THSD7A: variants seen among roughly 807,000 people sequenced by gnomAD.
THSD7A encodes thrombospondin type 1 domain containing 7A.
In THSD7A, 96 loss-of-function variants were observed where a neutral mutation model predicts 231.3. The ratio of observed to expected loss-of-function variants is 0.41; its 90% confidence interval spans 0.35 to 0.49. The LOEUF (loss-of-function observed/expected upper bound fraction) is 0.49, where lower values mean the gene tolerates loss of function less well. Among genes scored for constraint, THSD7A ranks in the 20% least tolerant of loss-of-function variants. The probability of loss-of-function intolerance (pLI) is 0.05; values close to 1 mark genes in which losing one functional copy is unlikely to be tolerated. For missense variants in THSD7A, 2,290 were observed against 2,070.2 expected, an observed-to-expected ratio of 1.11 and a Z score of -2.06; for synonymous variants, 940 against 743.3, an observed-to-expected ratio of 1.26 and a Z score of -4.30.
chr7:11,749,527 A>T (rs893347111), intron 1 of THSD7A, among the ~76,000 whole-genome samples: 2 of 152,014 alleles, frequency 1.3e-5, no homozygotes, highest in East Asian at 1.9e-4. Context: ...TGACTCAGAC[A>T]ACCAAGTATT....
intron 1 of THSD7A, among the ~76,000 whole-genome samples, chr7:11,768,012 T>C (rs1252127004): frequency 1.3e-5 from 2 of 152,194 alleles, no homozygotes; most frequent in African/African-American, 4.8e-5. Flanking sequence ...AAATATCCTG[T>C]AATCTAGGAG....
chr7:11,636,747 C>G lies in THSD7A; in HGVS notation c.405G>C (p.Val135=). The G allele has an allele frequency of 6.2e-7, 1 of 1,613,980 alleles. No individual in the cohort carries two copies. The highest frequency in any genetic ancestry group is 8.5e-7 in the Non-Finnish European group (1 of 1,179,886). Reference sequence around the variant, plus strand: ...GAGGTTTCTCTAGGCTTTTTGAAATCACGGGCTGACACTGATTCCAAGGTC... The same window carrying G: ...GAGGTTTCTCTAGGCTTTTTGAAATGACGGGCTGACACTGATTCCAAGGTC... ...RLGPWNQCQP[V]ISKSLEKPLE... The change falls in exon 2 of 28, where the codon GTG becomes GTC. Residue 135 remains valine (V), a synonymous_variant. Transcript: ENST00000423059. The surrounding 1 kb of genome is among the most constrained non-coding windows in gnomAD (Gnocchi z 10.0).
At chr7:11,556,496 T>A (rs2128327894) in intron 4 of THSD7A, among the ~76,000 whole-genome samples, 1 of 151,994 alleles carries the variant, frequency 6.6e-6, no homozygotes, top group South Asian at 2.1e-4. Context: ...GTTTCAACTG[T>A]CAAATATAAT....
In THSD7A at chr7:11,372,946, C is replaced by G. The variant is rs1312812031; in HGVS notation, c.*2848G>C. ...AGATTGCTACGTTCTCCTCTTTCCA[C>G]CTTTCTAACGAGGTTATCCAGTATT... On this transcript the variant is annotated 3_prime_UTR_variant, in exon 28 of 28. Transcript: ENST00000423059. 6.6e-6 allele frequency: 1 copy of G among 151,924 alleles called. No individual in the cohort carries two copies. The highest frequency in any genetic ancestry group is 1.9e-4 in the East Asian group (1 of 5,186). The allele number at this position is 151,924 out of a possible 1,614,324, so 9.4% of individuals were successfully genotyped here. A position where few individuals can be genotyped will look rare whatever the true frequency, so the allele number is the denominator to read the frequency against.
intron 13 of THSD7A, among the ~76,000 whole-genome samples, chr7:11,437,592 G>C (rs1026059308): frequency 1.3e-5 from 2 of 151,988 alleles, no homozygotes; most frequent in African/African-American, 2.4e-5. Flanking sequence ...AATCTGAAAT[G>C]CATTAGACAT....
chr7:11,656,896 T>G (rs1192285211), intron 1 of THSD7A, among the ~76,000 whole-genome samples: 1 of 151,870 alleles, frequency 6.6e-6, no homozygotes, highest in Non-Finnish European at 1.5e-5. Context: ...GACAAACATT[T>G]GTTATTTTCC....
At chr7:11,803,825 G>C (rs192043186) in intron 1 of THSD7A, among the ~76,000 whole-genome samples, 8 of 152,176 alleles carry the variant, frequency 5.3e-5, no homozygotes, top group African/African-American at 1.9e-4. Flanking sequence ...GGTGGGGTCT[G>C]GATATCAGTA....
At chr7:11,620,622 T>A (rs1781272071) in intron 2 of THSD7A, among the ~76,000 whole-genome samples, 2 of 152,124 alleles carry the variant, frequency 1.3e-5, no homozygotes, top group Admixed American at 1.3e-4. Context: ...CACAGTCCTC[T>A]CAACAGAGAC....
chr7:11,620,891 T>C (rs776663268), intron 2 of THSD7A, among the ~76,000 whole-genome samples: 15 of 152,198 alleles, frequency 9.9e-5, no homozygotes, highest in East Asian at 5.8e-4. Context: ...TATTCAGCTC[T>C]ATCCATAGCA....
chr7:11,733,919 C>T (rs1285469971), intron 1 of THSD7A, among the ~76,000 whole-genome samples: 1 of 151,756 alleles, frequency 6.6e-6, no homozygotes, highest in Admixed American at 6.6e-5. Context: ...CTATGTCTGG[C>T]TACTATATTA....
Position 11,447,361 on chromosome 7 carries a change from C to A in THSD7A, c.2669G>T (p.Gly890Val), listed in dbSNP as rs552411342. 6.2e-7 allele frequency: 1 copy of A among 1,611,716 alleles called. No individual in the cohort carries two copies. The highest frequency in any genetic ancestry group is 1.1e-5 in the South Asian group (1 of 90,838). Residue 890 changes from glycine to valine, a missense_variant, in exon 12 of 28, where the codon GGC becomes GTC. Physicochemically the swap from Gly to Val is moderately radical, Grantham distance 109. Transcript: ENST00000423059. ...GGCCTGGGTAAGGGCTGGCACAGGG[C>A]CTGCATACTGTAGGCACTCATGGAT... The part of the protein sequence containing the change: ...AGIHECLQYA[G>V]PVPALTQACQ...
In THSD7A at chr7:11,382,586, G is replaced by A; in HGVS notation, c.4442C>T (p.Ala1481Val). Residue 1481 changes from alanine to valine, a missense_variant, in exon 24 of 28, where the codon GCC becomes GTC. Ala to Val is a moderately conservative substitution (Grantham distance 64, BLOSUM62 0). Coordinates refer to ENST00000423059, the MANE Select transcript of THSD7A (RefSeq NM_015204.3). The stretch of plus-strand genomic sequence containing the variant: ...TCGGGAAGAGCCCTTCCAAGCACTG[G>A]CCATCCATTTATATTCATAGCACTG... The part of the protein sequence containing the change: ...DGQCYEYKWM[A>V]SAWKGSSRTV... 5 of 1,612,714 alleles carry A rather than the reference G, an allele frequency of 3.1e-6. No homozygotes were observed. The highest frequency in any genetic ancestry group is 4.2e-6 in the Non-Finnish European group (5 of 1,179,152).
intron 2 of THSD7A, among the ~76,000 whole-genome samples, chr7:11,624,313 A>G (rs1288263489): frequency 6.6e-6 from 1 of 152,104 alleles, no homozygotes; most frequent in African/African-American, 2.4e-5. Flanking sequence ...GTTTATGAAC[A>G]TAATTTTGCC....
chr7:11,495,243 C>T (rs938212597), intron 6 of THSD7A, among the ~76,000 whole-genome samples: 6 of 151,926 alleles, frequency 3.9e-5, no homozygotes, highest in Admixed American at 1.3e-4. Flanking sequence ...TTTAAAAATA[C>T]GTAACATCCT....
chr7:11,551,420 T>C (rs1789621330), intron 4 of THSD7A, among the ~76,000 whole-genome samples: 1 of 151,918 alleles, frequency 6.6e-6, no homozygotes, highest in African/African-American at 2.4e-5. Flanking sequence ...ACTTACAAAG[T>C]GAGAGAAAAT....
At chr7:11,545,542 A>T (rs1342721705) in intron 4 of THSD7A, among the ~76,000 whole-genome samples, 1 of 152,152 alleles carries the variant, frequency 6.6e-6, no homozygotes, top group East Asian at 1.9e-4. Flanking sequence ...GGACAGAGGG[A>T]GAACATAGAA....
At chr7:11,746,830 C>G (rs946856293) in intron 1 of THSD7A, among the ~76,000 whole-genome samples, 1 of 151,820 alleles carries the variant, frequency 6.6e-6, no homozygotes, top group Non-Finnish European at 1.5e-5. Context: ...TTAAACTGTA[C>G]CTCCTGGAGG....
At chr7:11,528,060 G>C (rs1227294491) in intron 6 of THSD7A, among the ~76,000 whole-genome samples, 5 of 152,104 alleles carry the variant, frequency 3.3e-5, no homozygotes, top group African/African-American at 1.2e-4. Context: ...CCAGCTACTT[G>C]GAAGGCTGAG....
At chr7:11,615,563 T>A (rs539757509) in intron 2 of THSD7A, among the ~76,000 whole-genome samples, 1 of 152,334 alleles carries the variant, frequency 6.6e-6, no homozygotes, top group South Asian at 2.1e-4. Flanking sequence ...TCTAATGAAT[T>A]CACCTATGTC....
Sources: allele counts gnomAD v4.1 joint callset (sites outside exome capture counted in the v4.1 genomes callset), GRCh38; gene constraint gnomAD v4.1.1; non-coding constraint Gnocchi (gnomAD v3.1); transcripts MANE v1.5; gene names NCBI Gene and HGNC (gene_info 2026-07-23, HGNC 2026-07-21).